The following ARHGAP10 variants were observed in gnomAD, a reference collection of about 807,000 sequenced individuals.
The protein encoded by ARHGAP10 is rho GTPase-activating protein 10.
Under a neutral mutation model 108.6 loss-of-function variants are expected in ARHGAP10, and 87 were observed. The observed-to-expected ratio is 0.80, with a 90% CI of 0.67 to 0.96. The LOEUF (loss-of-function observed/expected upper bound fraction) is 0.96, where lower values mean the gene tolerates loss of function less well. ARHGAP10 is among the 40% of genes least tolerant of loss of function. The probability of loss-of-function intolerance (pLI) is 0.00; values close to 1 mark genes in which losing one functional copy is unlikely to be tolerated. For synonymous variants in ARHGAP10, 347 were observed against 341.1 expected, an observed-to-expected ratio of 1.02 and a Z score of -0.19; for missense variants, 939 against 954.5, an observed-to-expected ratio of 0.98 and a Z score of 0.21.
rs540570241 is a variant in ARHGAP10, at chr4:147,906,642, G to A, written c.1039G>A (p.Gly347Ser). 6.2e-7 allele frequency: 1 copy of A among 1,614,118 alleles called. No individual in the cohort carries two copies. Among genetic ancestry groups the A allele is most frequent in the Non-Finnish European group, 8.5e-7 (1 of 1,180,010 alleles). The change falls in exon 11 of 23, where the codon GGC (glycine) becomes AGC (serine). Residue 347 changes from glycine to serine, a missense_variant. Transcript: ENST00000336498. ...CFDIEAADRP[G>S]VSLTMQAFSE... ...TATGTTACTGGTGTCTTTCAGGCCT[G>A]GCGTTTCCTTGACCATGCAGGCATT...
At chr4:147,881,494 C>T (rs1735325833) in intron 9 of ARHGAP10, among the ~76,000 whole-genome samples, 2 of 151,988 alleles carry the variant, frequency 1.3e-5, no homozygotes, top group African/African-American at 4.8e-5. Flanking sequence ...AAAAATCATC[C>T]AGGTGTGGTG....
intron 10 of ARHGAP10, among the ~76,000 whole-genome samples, chr4:147,901,363 G>A (rs1377820771): frequency 6.6e-6 from 1 of 152,214 alleles, no homozygotes; most frequent in Non-Finnish European, 1.5e-5. Flanking sequence ...TCCCTTTAAT[G>A]TTAAAGTAAT....
intron 3 of ARHGAP10, among the ~76,000 whole-genome samples, chr4:147,826,681 C>CT (rs1292951611): frequency 6.6e-6 from 1 of 152,018 alleles, no homozygotes; most frequent in East Asian, 1.9e-4. Flanking sequence ...CCTGTGATCC[C>CT]TACTCCCCTT....
At chr4:148,044,817 A>G (rs990189081) in intron 19 of ARHGAP10, among the ~76,000 whole-genome samples, 1 of 152,180 alleles carries the variant, frequency 6.6e-6, no homozygotes, top group African/African-American at 2.4e-5. Context: ...GAAAGAAAAT[A>G]CATTAAAAGG....
At chr4:147,783,843 AAC>A (rs201600786) in intron 1 of ARHGAP10, among the ~76,000 whole-genome samples, 2,632 of 89,152 alleles carry the variant, frequency 0.03, 196 homozygotes, top group African/African-American at 0.077. Flanking sequence ...ATATTTATAT[AAC>A]ACACATTAAA....
intron 15 of ARHGAP10, among the ~76,000 whole-genome samples, chr4:147,947,507 A>G (rs1040607540): frequency 3.1e-4 from 47 of 152,052 alleles, no homozygotes; most frequent in Non-Finnish European, 5.6e-4. Context: ...GGTTCAATCA[A>G]TTCTCATGTC....
At chr4:148,018,511 G>A (rs1176979365) in intron 18 of ARHGAP10, among the ~76,000 whole-genome samples, 2 of 151,154 alleles carry the variant, frequency 1.3e-5, no homozygotes, top group Non-Finnish European at 2.9e-5. Flanking sequence ...TCTAAAAACA[G>A]TGTCCCTTTA....
chr4:147,884,841 G>A (rs979788785), intron 10 of ARHGAP10, among the ~76,000 whole-genome samples: 2 of 152,230 alleles, frequency 1.3e-5, no homozygotes, highest in East Asian at 3.8e-4. Context: ...GCCTGAACTT[G>A]AAGTTTTTGA....
intron 1 of ARHGAP10, among the ~76,000 whole-genome samples, chr4:147,778,559 G>A (rs1360527113): frequency 3.3e-5 from 5 of 152,164 alleles, no homozygotes; most frequent in Non-Finnish European, 2.9e-5. Context: ...AAGCCCTAGA[G>A]CAGGGATGAG....
Position 147,884,739 on chromosome 4 carries a change from A to T in ARHGAP10, c.1034+2807A>T, listed in dbSNP as rs539028209. Among the ~76,000 whole-genome samples, 57 of 152,306 alleles carry T rather than the reference A, an allele frequency of 3.7e-4. 1 individual carries two copies. Among genetic ancestry groups the T allele is most frequent in the Admixed American group, 3.7e-3 (57 of 15,294 alleles). On this transcript the variant is annotated intron_variant, in intron 10 of 22. Coordinates refer to ENST00000336498, the MANE Select transcript of ARHGAP10 (RefSeq NM_024605.4). ...GTGAGTGTCACATGTGGAGGCCTGG[A>T]GACAGGAGAGAGCATGATGTATTTG... is the stretch of plus-strand genomic sequence containing the variant.
At chr4:148,003,156 C>T (rs576986629) in intron 18 of ARHGAP10, among the ~76,000 whole-genome samples, 234 of 152,268 alleles carry the variant, frequency 1.5e-3, no homozygotes, top group Non-Finnish European at 2.6e-3. Context: ...TTATTTCTGC[C>T]TTCATTTCGT....
intron 15 of ARHGAP10, among the ~76,000 whole-genome samples, chr4:147,950,255 AC>A (rs1231122453): frequency 1.1e-4 from 16 of 152,120 alleles, no homozygotes; most frequent in Admixed American, 7.2e-4. Context: ...GATTTAATTG[AC>A]CCTTTTTTTT....
At chr4:148,070,876 G>C (rs1414157527) in intron 22 of ARHGAP10, among the ~76,000 whole-genome samples, 1 of 152,144 alleles carries the variant, frequency 6.6e-6, no homozygotes, top group Admixed American at 6.5e-5. Flanking sequence ...TCACAGCTGG[G>C]GGTTATGAAA....
At chr4:148,017,988 T>A (rs1465635097) in intron 18 of ARHGAP10, among the ~76,000 whole-genome samples, 3 of 152,120 alleles carry the variant, frequency 2.0e-5, no homozygotes, top group Non-Finnish European at 4.4e-5. Flanking sequence ...GAGGAATCTG[T>A]CACTCTGAAC....
chr4:147,955,403 C>T, intron 16 of ARHGAP10, 29 bp downstream of exon 16: 1 of 1,588,800 alleles, frequency 6.3e-7, no homozygotes, highest in Non-Finnish European at 8.6e-7. Flanking sequence ...TATATAGGAA[C>T]AGTTTTGTAG....
At chr4:148,070,110 G>T (rs895754314) in intron 22 of ARHGAP10, among the ~76,000 whole-genome samples, 1 of 152,204 alleles carries the variant, frequency 6.6e-6, no homozygotes, top group South Asian at 2.1e-4. Context: ...TGTTATATGT[G>T]TTACATGCTC....
chr4:147,949,889 G>A (rs1216648328), intron 15 of ARHGAP10, among the ~76,000 whole-genome samples: 2 of 151,936 alleles, frequency 1.3e-5, no homozygotes, highest in East Asian at 3.9e-4. Flanking sequence ...TGTGTGGGAG[G>A]AATTTGTTTA....
At chr4:147,797,702 C>G (rs942738068) in intron 1 of ARHGAP10, among the ~76,000 whole-genome samples, 2 of 152,160 alleles carry the variant, frequency 1.3e-5, no homozygotes, top group Non-Finnish European at 1.5e-5. Context: ...TGAGCCGTTG[C>G]GCCTGGCCAG....
intron 18 of ARHGAP10, among the ~76,000 whole-genome samples, chr4:148,004,679 A>C (rs555994019): frequency 6.6e-6 from 1 of 152,340 alleles, no homozygotes; most frequent in South Asian, 2.1e-4. Flanking sequence ...TTAGTCCTGC[A>C]ACTGCAAGGA....
Sources: gnomAD v4.1 joint callset for allele counts (sites outside exome capture counted in the v4.1 genomes callset) on GRCh38, gnomAD v4.1.1 for gene constraint, MANE v1.5 for transcripts, NCBI Gene and HGNC (gene_info 2026-07-23, HGNC 2026-07-21) for gene names.